The following FGF18 variants were observed in gnomAD, a reference collection of about 807,000 sequenced individuals.
FGF18 encodes fibroblast growth factor 18.
A neutral mutation model predicts 23.0 loss-of-function variants in FGF18; 5 were observed. That is an observed-to-expected ratio of 0.22 (90% CI 0.11 to 0.46). The LOEUF is 0.46. Ranked by LOEUF, FGF18 falls within the 20% of genes least tolerant of loss-of-function variation. FGF18 has a pLI of 0.99. For synonymous variants in FGF18, 117 were observed against 118.9 expected (o/e 0.98, Z 0.10); for missense variants, 180 against 291.6 (o/e 0.62, Z 2.79).
At chr5:171,443,759 C>T (rs535359223) in intron 3 of FGF18, among the ~76,000 whole-genome samples, 32 of 152,172 alleles carry the variant, frequency 2.1e-4, no homozygotes, top group African/African-American at 6.3e-4. Context: ...TGCACTCTTT[C>T]CCCCTTTGCT....
At chr5:171,432,656 C>G (rs1005063950) in intron 2 of FGF18, among the ~76,000 whole-genome samples, 2 of 152,190 alleles carry the variant, frequency 1.3e-5, no homozygotes, top group African/African-American at 4.8e-5. Flanking sequence ...TCTTGAACTC[C>G]TGGCCTCAAG....
intron 2 of FGF18, among the ~76,000 whole-genome samples, chr5:171,426,297 G>A (rs752659281): frequency 3.9e-5 from 6 of 152,082 alleles, no homozygotes; most frequent in African/African-American, 1.2e-4. Flanking sequence ...CTGCCTTGTC[G>A]TCACTGTGGG....
chr5:171,432,434 A>G (rs1005116445), intron 2 of FGF18, among the ~76,000 whole-genome samples: 1 of 151,904 alleles, frequency 6.6e-6, no homozygotes, highest in Admixed American at 6.6e-5. Flanking sequence ...TTTCAGACAG[A>G]TTCTCACTCT....
chr5:171,449,491 C>T (rs929379968), intron 4 of FGF18, among the ~76,000 whole-genome samples: 4 of 151,976 alleles, frequency 2.6e-5, no homozygotes, highest in South Asian at 2.1e-4. Context: ...TTCTCTTCCC[C>T]GGGCACTTGA....
At chr5:171,431,029 G>A (rs1772175459) in intron 2 of FGF18, among the ~76,000 whole-genome samples, 1 of 152,112 alleles carries the variant, frequency 6.6e-6, no homozygotes, top group African/African-American at 2.4e-5. Flanking sequence ...TGTGTGATGT[G>A]ACGCACATTT....
At chr5:171,433,588 C>T (rs1219189641) in intron 2 of FGF18, among the ~76,000 whole-genome samples, 1 of 152,090 alleles carries the variant, frequency 6.6e-6, no homozygotes, top group Admixed American at 6.5e-5. Context: ...GAGGCGGGAC[C>T]CAGGTATCAG....
At position 171,440,057 on chromosome 5, in the gene FGF18, G is replaced by A. The variant is rs528901388; in HGVS notation, c.250+3784G>A. 3.2e-4 allele frequency among the ~76,000 whole-genome samples: 48 copies of A among 152,266 alleles called. No homozygotes were observed. The highest frequency in any genetic ancestry group is 5.8e-4 in the African/African-American group (24 of 41,548). On this transcript the variant is annotated intron_variant, in intron 3 of 4. Transcript: ENST00000274625. This position sits in a 1 kb window ranked among gnomAD's most constrained non-coding sequence, Gnocchi z 4.0. ...AGGAATCTAATGGGATTTGAATCTC[G>A]GCTCCACCACTTTCGAGTGGGAGAC...
rs368319980 is a variant in FGF18 at position 171,422,328 on chromosome 5, C to T, written c.69+1885C>T. Among the ~76,000 whole-genome samples the T allele has an allele frequency of 8.3e-4, 126 of 152,230 alleles. No individual in the cohort carries two copies. In the South Asian group the frequency reaches 0.015, roughly 19 times the overall value. On this transcript the variant is annotated intron_variant, in intron 2 of 4. Coordinates refer to ENST00000274625, the MANE Select transcript of FGF18 (RefSeq NM_003862.3). ...TCAAGCAGGTGAGGGATCCTCCTCTCCCCACCACCTCCACCTTCCCCCTTG... is the reference window on the plus strand; with the variant it reads ...TCAAGCAGGTGAGGGATCCTCCTCTTCCCACCACCTCCACCTTCCCCCTTG...
chr5:171,427,683 G>A (rs925508332), intron 2 of FGF18, among the ~76,000 whole-genome samples: 2 of 152,226 alleles, frequency 1.3e-5, no homozygotes, highest in African/African-American at 4.8e-5. Context: ...TTTATGGGAC[G>A]CTTGCTGCAT....
At chr5:171,429,594 C>T (rs565823043) in intron 2 of FGF18, among the ~76,000 whole-genome samples, 9 of 152,350 alleles carry the variant, frequency 5.9e-5, no homozygotes, top group East Asian at 3.9e-4. Context: ...TTGGCTGGCC[C>T]GATGCTGCTG....
intron 4 of FGF18, among the ~76,000 whole-genome samples, chr5:171,452,205 T>C (rs1004430092): frequency 3.9e-5 from 6 of 152,338 alleles, no homozygotes; most frequent in Admixed American, 2.6e-4. Context: ...AATGATAATC[T>C]GGGCACTTAG....
intron 3 of FGF18, among the ~76,000 whole-genome samples, chr5:171,442,178 C>T (rs987236633): frequency 2.6e-5 from 4 of 152,210 alleles, no homozygotes; most frequent in African/African-American, 9.6e-5. Flanking sequence ...CCGATGAACC[C>T]TATTGGTTTT....
At chr5:171,425,752 G>A (rs143574257) in intron 2 of FGF18, among the ~76,000 whole-genome samples, 173 of 150,174 alleles carry the variant, frequency 1.2e-3, no homozygotes, top group African/African-American at 3.9e-3. Flanking sequence ...GGATGGTCTC[G>A]GTCTCCTGAC....
Position 171,456,100 on chromosome 5 carries a change from G to T in FGF18, c.358-439G>T, listed in dbSNP as rs527804180. Among the ~76,000 whole-genome samples the T allele has an allele frequency of 1.4e-4, 21 of 152,220 alleles. No individual in the cohort carries two copies. The highest frequency in any genetic ancestry group is 4.8e-4 in the African/African-American group (20 of 41,518). On this transcript the variant is annotated intron_variant, in intron 4 of 4. Coordinates refer to ENST00000274625, the MANE Select transcript of FGF18 (RefSeq NM_003862.3). This position sits in a 1 kb window ranked among gnomAD's most constrained non-coding sequence, Gnocchi z 6.1. ...CTTCACTCGGCCAAACTAGAGTCAGGCTCCTGAACCTTCTCTTATGCCCAT... is the reference window on the plus strand; with the variant it reads ...CTTCACTCGGCCAAACTAGAGTCAGTCTCCTGAACCTTCTCTTATGCCCAT...
chr5:171,440,231 G>A lies in FGF18; in HGVS notation c.250+3958G>A, dbSNP rs1273409079. On this transcript the variant is annotated intron_variant, in intron 3 of 4. Coordinates refer to ENST00000274625, the MANE Select transcript of FGF18 (RefSeq NM_003862.3). The surrounding 1 kb of genome is among the most constrained non-coding windows in gnomAD (Gnocchi z 4.0). ...CCTCCTTACTATGGGTGTGTGGGGGGGGGTGGTGCCATCGCGGGCTCAGGT... is the reference window on the plus strand; with the variant it reads ...CCTCCTTACTATGGGTGTGTGGGGGAGGGTGGTGCCATCGCGGGCTCAGGT... 1.3e-5 allele frequency among the ~76,000 whole-genome samples: 2 copies of A among 152,066 alleles called. No individual in the cohort carries two copies. The highest frequency in any genetic ancestry group is 4.8e-5 in the African/African-American group (2 of 41,414).
intron 3 of FGF18, among the ~76,000 whole-genome samples, chr5:171,444,942 G>T (rs970560645): frequency 2.6e-5 from 4 of 152,184 alleles, no homozygotes; most frequent in African/African-American, 9.7e-5. Context: ...CTTACTTTCT[G>T]CTGGGTGGAG....
At chr5:171,424,261 T>G (rs1191667099) in intron 2 of FGF18, among the ~76,000 whole-genome samples, 4 of 152,216 alleles carry the variant, frequency 2.6e-5, no homozygotes, top group Admixed American at 1.3e-4. Context: ...CTCCCAGCAC[T>G]GTGAAGTGGA....
At chr5:171,437,976 G>C (rs1216819647) in intron 3 of FGF18, among the ~76,000 whole-genome samples, 1 of 152,196 alleles carries the variant, frequency 6.6e-6, no homozygotes, top group Non-Finnish European at 1.5e-5. Context: ...CCCTCTGCCT[G>C]AACTGGGAAC....
At chr5:171,432,843 A>T (rs79711557) in intron 2 of FGF18, among the ~76,000 whole-genome samples, 13,574 of 152,124 alleles carry the variant, frequency 0.089, 685 homozygotes, top group East Asian at 0.16. Context: ...GATTTCCCTC[A>T]CTTTTGGCCG....
Sources: gnomAD v4.1 joint callset for allele counts (sites outside exome capture counted in the v4.1 genomes callset) on GRCh38, gnomAD v4.1.1 for gene constraint, Gnocchi (gnomAD v3.1) non-coding constraint, MANE v1.5 for transcripts, NCBI Gene and HGNC (gene_info 2026-07-23, HGNC 2026-07-21) for gene names.